The following MRC1 variants were observed in gnomAD, a reference collection of about 807,000 sequenced individuals.
MRC1 encodes the protein mannose receptor C-type 1.
Under a neutral mutation model 102.9 loss-of-function variants are expected in MRC1, and 62 were observed. The observed-to-expected ratio is 0.60, with a 90% CI of 0.49 to 0.74. The LOEUF (loss-of-function observed/expected upper bound fraction) is 0.74, where lower values mean the gene tolerates loss of function less well. Among genes scored for constraint, MRC1 ranks in the 30% least tolerant of loss-of-function variants. The pLI is 0.00. For missense variants in MRC1, 1,237 were observed against 862.8 expected, an observed-to-expected ratio of 1.43 and a Z score of -5.43; for synonymous variants, 457 against 298.4, an observed-to-expected ratio of 1.53 and a Z score of -5.48.
chr10:17,884,149 T>C (rs1266763360), intron 21 of MRC1, among the ~76,000 whole-genome samples: 1 of 152,146 alleles, frequency 6.6e-6, no homozygotes, highest in Non-Finnish European at 1.5e-5. Context: ...TGTATTTCTT[T>C]GTAGAGACAG....
chr10:17,857,440 CTGTTT>C (rs1833109564), intron 9 of MRC1, among the ~76,000 whole-genome samples: 1 of 152,168 alleles, frequency 6.6e-6, no homozygotes, highest in Non-Finnish European at 1.5e-5. Flanking sequence ...TTTAATCAAT[CTGTTT>C]TATTTTTTTC....
intron 4 of MRC1, among the ~76,000 whole-genome samples, chr10:17,836,600 C>T (rs977568842): frequency 2.0e-5 from 3 of 152,014 alleles, no homozygotes; most frequent in East Asian, 3.9e-4. Context: ...TTTGGGAGGC[C>T]GAGGTGGGTG....
chr10:17,871,966 A>C lies in MRC1; in HGVS notation c.2200-16A>C. ...TACAAATGGTTAATGGTTGTAGTTT[A>C]ATGTTTCTAATATAGGTTTCATATG... On this transcript the variant is annotated splice_polypyrimidine_tract_variant and intron_variant, in intron 14 of 29. Coordinates refer to ENST00000569591, the MANE Select transcript of MRC1 (RefSeq NM_002438.4). 5 of 779,990 alleles carry C rather than the reference A, an allele frequency of 6.4e-6. No homozygotes were observed. The South Asian group carries it at 6.7e-5, about 10-fold the overall frequency. The allele number at this position is 779,990 out of a possible 1,614,324, so 48.3% of individuals were successfully genotyped here. A position where few individuals can be genotyped will look rare whatever the true frequency, so the allele number is the denominator to read the frequency against.
chr10:17,900,724 G>T, intron 24 of MRC1, 64 bp from the exon 25 acceptor site: 3 of 780,094 alleles, frequency 3.8e-6, no homozygotes, highest in South Asian at 1.3e-5. Flanking sequence ...TTCTTGAATT[G>T]GTTCTTTTAG....
intron 26 of MRC1, among the ~76,000 whole-genome samples, chr10:17,905,252 T>C (rs896709287): frequency 1.3e-5 from 2 of 152,144 alleles, no homozygotes; most frequent in Non-Finnish European, 2.9e-5. Context: ...GCAGAGGGAT[T>C]AGGACAAGTT....
intron 24 of MRC1, among the ~76,000 whole-genome samples, chr10:17,899,915 A>G (rs1833805118): frequency 6.6e-6 from 1 of 151,964 alleles, no homozygotes; most frequent in Non-Finnish European, 1.5e-5. Flanking sequence ...CCTGGCAAAC[A>G]TGGTGAAAAC....
Position 17,861,459 on chromosome 10 carries a change from A to G in MRC1, c.1591A>G (p.Thr531Ala), listed in dbSNP as rs2130660882. 2.3e-6 allele frequency: 2 copies of G among 872,404 alleles called. No homozygotes were observed. Among genetic ancestry groups the G allele is most frequent in the East Asian group, 4.8e-5 (2 of 41,618 alleles). The allele number at this position is 872,404 out of a possible 1,614,324, so 54.0% of individuals were successfully genotyped here. The part of the protein sequence containing the change: ...TLSTFAEANQ[T>A]CNNENAYLTT... ...TTCAACATTTGCAGAAGCAAACCAAACCTGTAATAATGAGAATGCTTATTT... is the reference window on the plus strand; with the variant it reads ...TTCAACATTTGCAGAAGCAAACCAAGCCTGTAATAATGAGAATGCTTATTT... Residue 531 changes from threonine to alanine, a missense_variant, in exon 10 of 30, where the codon ACC becomes GCC. By Grantham distance (58) the Thr-to-Ala change is moderately conservative. Transcript: ENST00000569591.
intron 11 of MRC1, among the ~76,000 whole-genome samples, chr10:17,864,217 G>A (rs1833227983): frequency 6.6e-6 from 1 of 152,050 alleles, no homozygotes; most frequent in African/African-American, 2.4e-5. Flanking sequence ...TGGCCAGGCT[G>A]GTCTCGAACT....
At chr10:17,847,358 A>T (rs1273420650) in intron 6 of MRC1, among the ~76,000 whole-genome samples, 4 of 152,168 alleles carry the variant, frequency 2.6e-5, no homozygotes, top group Non-Finnish European at 4.4e-5. Context: ...TCCTGAGATA[A>T]AATTTTGTTC....
intron 23 of MRC1, among the ~76,000 whole-genome samples, chr10:17,896,717 G>C (rs1554843442): frequency 6.6e-6 from 1 of 152,104 alleles, no homozygotes; most frequent in Admixed American, 6.6e-5. Context: ...GGTTGCTTGA[G>C]GCCAGGAGTT....
chr10:17,867,358 C>CCTTCTTCTTCTCCTT (rs1833288349), intron 12 of MRC1, among the ~76,000 whole-genome samples: 1 of 111,280 alleles, frequency 9.0e-6, no homozygotes, highest in African/African-American at 3.6e-5. Context: ...TTCTTCTTCT[C>CCTTCTTCTTCTCCTT]CTTCTCCTTC....
intron 5 of MRC1, 71 bp downstream of exon 5, chr10:17,840,877 A>T (rs1211965142): frequency 1.3e-6 from 1 of 779,854 alleles, no homozygotes; most frequent in South Asian, 1.3e-5. Context: ...GACGTTTATT[A>T]TCTCACCTGT....
intron 7 of MRC1, among the ~76,000 whole-genome samples, chr10:17,851,689 A>AG (rs1838919390): frequency 6.6e-6 from 1 of 152,160 alleles, no homozygotes; most frequent in African/African-American, 2.4e-5. Flanking sequence ...TAAATCTTTG[A>AG]GGGGTACATG....
chr10:17,840,236 C>T (rs1172240556), intron 4 of MRC1, among the ~76,000 whole-genome samples: 1 of 152,104 alleles, frequency 6.6e-6, no homozygotes, highest in East Asian at 1.9e-4. Context: ...TTGGTGTTAG[C>T]ATAAGCACTT....
chr10:17,864,073 G>T (rs1285625990), intron 11 of MRC1, among the ~76,000 whole-genome samples: 1 of 151,972 alleles, frequency 6.6e-6, no homozygotes, highest in Non-Finnish European at 1.5e-5. Context: ...CGCCATCTTG[G>T]CTCACTGCAA....
intron 2 of MRC1, among the ~76,000 whole-genome samples, chr10:17,825,926 A>G (rs1803694528): frequency 6.6e-6 from 1 of 152,344 alleles, no homozygotes; most frequent in South Asian, 2.1e-4. Flanking sequence ...TCCTAATACA[A>G]TATATGATTT....
At chr10:17,907,141 G>A (rs1833905853) in intron 27 of MRC1, 142 bp downstream of exon 27, 6 of 669,236 alleles carry the variant, frequency 9.0e-6, no homozygotes. Context: ...TTTTATTTAA[G>A]AACTGAAATT....
chr10:17,833,638 G>A (rs1838615894), intron 3 of MRC1, 37 bp from the exon 4 acceptor site: 3 of 780,914 alleles, frequency 3.8e-6, no homozygotes, highest in African/African-American at 3.4e-5. Context: ...TGTTTTCTAT[G>A]CATAATGAAC....
At chr10:17,905,485 T>TA (rs1469986684) in intron 26 of MRC1, among the ~76,000 whole-genome samples, 2 of 152,194 alleles carry the variant, frequency 1.3e-5, no homozygotes, top group South Asian at 2.1e-4. Flanking sequence ...CTTTTGTAAT[T>TA]AAAAAAATGT....
Sources: gnomAD v4.1 joint callset for allele counts (sites outside exome capture counted in the v4.1 genomes callset) on GRCh38, gnomAD v4.1.1 for gene constraint, MANE v1.5 for transcripts, NCBI Gene and HGNC (gene_info 2026-07-23, HGNC 2026-07-21) for gene names.